The following ZNF470 variants were observed in gnomAD, a reference collection of about 807,000 sequenced individuals.
The protein encoded by ZNF470 is chondrogenesis zinc finger protein 1.
In ZNF470, 13 loss-of-function variants were observed where a neutral mutation model predicts 13.9. That is an observed-to-expected ratio of 0.94 (90% CI 0.61 to 1.49). The LOEUF (loss-of-function observed/expected upper bound fraction) is 1.49. ZNF470 is among the 40% of genes most tolerant of loss of function. ZNF470 has a pLI of 0.00. For missense variants in ZNF470, 929 were observed against 857.3 expected (o/e 1.08, Z -1.04); for synonymous variants, 293 against 282.9 (o/e 1.04, Z -0.36).
chr19:56,579,472 G>A lies in ZNF470; in HGVS notation c.*889G>A. 3.0e-6 allele frequency: 3 copies of A among 985,350 alleles called. No homozygotes were observed. Among genetic ancestry groups the A allele is most frequent in the Non-Finnish European group, 3.6e-6 (3 of 829,926 alleles). The allele number at this position is 985,350 out of a possible 1,614,324, so 61.0% of individuals were successfully genotyped here. On this transcript the variant is annotated 3_prime_UTR_variant, in exon 6 of 6. Transcript: ENST00000330619. ...TTGGTAGAATGTAGGACTAACCAGG[G>A]TAGGTAGTAGTAAACCAAAAGTAAC...
Position 56,582,225 on chromosome 19 carries a change from G to A in ZNF470, c.*3642G>A. 1.0e-6 allele frequency: 1 copy of A among 985,306 alleles called. No individual in the cohort carries two copies. Among genetic ancestry groups the A allele is most frequent in the Non-Finnish European group, 1.2e-6 (1 of 829,914 alleles). 61.0% of individuals were successfully genotyped at this position (985,306 alleles called of 1,614,324 possible). The stretch of plus-strand genomic sequence containing the variant: ...GGATGAATAGAGGTCTAGGGTTCTG[G>A]ATAATGATAATTTAAGGAGGATGGA... On this transcript the variant is annotated 3_prime_UTR_variant, in exon 6 of 6. Coordinates refer to ENST00000330619, the MANE Select transcript of ZNF470 (RefSeq NM_001001668.4).
Position 56,581,529 on chromosome 19 carries a change from T to G in ZNF470, c.*2946T>G. The G allele has an allele frequency of 1.2e-6, 1 of 803,444 alleles. No homozygotes were observed. The allele number at this position is 803,444 out of a possible 1,614,324, so 49.8% of individuals were successfully genotyped here. ...CCATCAGGGTAATAAATAAATTAAT[T>G]ATGGTATATATCCATTCAATAGGAA... is the stretch of plus-strand genomic sequence containing the variant. On this transcript the variant is annotated 3_prime_UTR_variant, in exon 6 of 6. Transcript: ENST00000330619.
Position 56,567,813 on chromosome 19 carries a change from C to G in ZNF470, c.-384C>G. On this transcript the variant is annotated 5_prime_UTR_variant, in exon 1 of 6. Transcript: ENST00000330619. Reference sequence around the variant, plus strand: ...GGAATGAGTGAAGCACTTTAAGTGGCCAAGAGCAGGAAACCCGGCCGGAGG... The same window carrying G: ...GGAATGAGTGAAGCACTTTAAGTGGGCAAGAGCAGGAAACCCGGCCGGAGG... 1 of 986,442 alleles carries G rather than the reference C, an allele frequency of 1.0e-6. No homozygotes were observed. Among genetic ancestry groups the G allele is most frequent in the Non-Finnish European group, 1.2e-6 (1 of 830,800 alleles). The allele number at this position is 986,442 out of a possible 1,614,324, so 61.1% of individuals were successfully genotyped here.
intron 1 of ZNF470, 142 bp downstream of exon 1, chr19:56,568,180 A>T: frequency 9.7e-6 from 9 of 925,484 alleles, no homozygotes; most frequent in Non-Finnish European, 1.2e-5. Flanking sequence ...TTGGAGGGTC[A>T]CCTTGGGTCA....
chr19:56,578,694 G>C lies in ZNF470; in HGVS notation c.*111G>C. On this transcript the variant is annotated 3_prime_UTR_variant, in exon 6 of 6. Transcript: ENST00000330619. ...TCTGGATTTCTGCAGTAGCATAACT[G>C]TTGCCCCTTTTGCTTCTATCAACTA... 16 of 1,315,830 alleles carry C rather than the reference G, an allele frequency of 1.2e-5. No individual in the cohort carries two copies. The highest frequency in any genetic ancestry group is 2.7e-5 in the East Asian group (1 of 37,626). The allele number at this position is 1,315,830 out of a possible 1,614,324, so 81.5% of individuals were successfully genotyped here.
At chr19:56,571,626 T>G (rs2044452555) in intron 3 of ZNF470, among the ~76,000 whole-genome samples, 1 of 151,778 alleles carries the variant, frequency 6.6e-6, no homozygotes, top group South Asian at 2.1e-4. Context: ...TTTTTTTTTT[T>G]GAGATGGAGT....
At position 56,580,206 on chromosome 19, in the gene ZNF470, G is replaced by A. The variant is rs1568497451; in HGVS notation, c.*1623G>A. ...CTAGAGGTAACTGTGAGACACAAAA[G>A]GCATAATGAAAATAGTCATGATAGT... On this transcript the variant is annotated 3_prime_UTR_variant, in exon 6 of 6. Transcript: ENST00000330619. 1.0e-6 allele frequency: 1 copy of A among 971,638 alleles called. No individual in the cohort carries two copies. The highest frequency in any genetic ancestry group is 1.1e-4 in the East Asian group (1 of 8,764). The allele number at this position is 971,638 out of a possible 1,614,324, so 60.2% of individuals were successfully genotyped here.
chr19:56,577,197 T>A lies in ZNF470; in HGVS notation c.768T>A (p.Tyr256Ter). The part of the protein sequence containing the change: ...HQRIHTGEKP[Y>*]ECIECGKAFS... ...GAATTCATACAGGAGAGAAACCCTA[T>A]GAATGTATTGAATGTGGAAAGGCCT... The change falls in exon 6 of 6, where the codon TAT becomes TAA. Residue 256 changes from tyrosine (Y) to a stop codon, truncating the protein, a stop_gained. Coordinates refer to ENST00000330619, the MANE Select transcript of ZNF470 (RefSeq NM_001001668.4). LOFTEE classifies it low-confidence loss of function (END_TRUNC). 1 of 1,612,582 alleles carries A rather than the reference T, an allele frequency of 6.2e-7. No homozygotes were observed. Among genetic ancestry groups the A allele is most frequent in the East Asian group, 2.2e-5 (1 of 44,870 alleles).
rs776493060 is a variant in ZNF470 at position 56,578,232 on chromosome 19, A to G, written c.1803A>G (p.Ala601=). ...RPYECLECGK[A]FRQRASLICH... is the part of the protein sequence containing the mutation. ...ATGAATGTCTTGAATGTGGGAAGGC[A>G]TTCAGGCAGAGGGCATCCTTGATTT... is the stretch of plus-strand genomic sequence containing the variant. The change falls in exon 6 of 6, where the codon GCA becomes GCG. Residue 601 remains alanine (A), a synonymous_variant. Transcript: ENST00000330619. The G allele has an allele frequency of 1.2e-6, 2 of 1,613,968 alleles. No individual in the cohort carries two copies. The highest frequency in any genetic ancestry group is 1.7e-6 in the Non-Finnish European group (2 of 1,179,942).
intron 3 of ZNF470, among the ~76,000 whole-genome samples, chr19:56,573,346 T>C (rs2044468394): frequency 6.6e-6 from 1 of 152,230 alleles, no homozygotes; most frequent in African/African-American, 2.4e-5. Flanking sequence ...TTTCCATTTT[T>C]CAGATGGGAA....
At chr19:56,568,103 C>T in intron 1 of ZNF470, 65 bp downstream of exon 1, 2 of 985,880 alleles carry the variant, frequency 2.0e-6, no homozygotes, top group South Asian at 4.7e-5. Context: ...TGCTGTCTTT[C>T]GGGGTTCAGG....
chr19:56,580,990 A>G lies in ZNF470; in HGVS notation c.*2407A>G. The G allele has an allele frequency of 3.0e-6, 3 of 984,824 alleles. No homozygotes were observed. The highest frequency in any genetic ancestry group is 3.6e-6 in the Non-Finnish European group (3 of 829,406). The allele number at this position is 984,824 out of a possible 1,614,324, so 61.0% of individuals were successfully genotyped here. On this transcript the variant is annotated 3_prime_UTR_variant, in exon 6 of 6. Transcript: ENST00000330619. ...AAGTACATGAAAAACAGAATAATAT[A>G]TATGTACCCTCGGTTTGAAATAGAC...
In ZNF470 at chr19:56,581,013, G is replaced by T; in HGVS notation, c.*2430G>T. On this transcript the variant is annotated 3_prime_UTR_variant, in exon 6 of 6. Coordinates refer to ENST00000330619, the MANE Select transcript of ZNF470 (RefSeq NM_001001668.4). ...ATATATGTACCCTCGGTTTGAAATA[G>T]ACTTTAAGCACTAATGCATAACCCC... The T allele has an allele frequency of 1.0e-6, 1 of 985,224 alleles. No homozygotes were observed. The highest frequency in any genetic ancestry group is 1.2e-6 in the Non-Finnish European group (1 of 829,804). The allele number at this position is 985,224 out of a possible 1,614,324, so 61.0% of individuals were successfully genotyped here. A position where few individuals can be genotyped will look rare whatever the true frequency, so the allele number is the denominator to read the frequency against.
chr19:56,578,977 T>C lies in ZNF470; in HGVS notation c.*394T>C, dbSNP rs1271681591. The C allele has an allele frequency of 4.0e-6, 4 of 993,024 alleles. No homozygotes were observed. The African/African-American group carries it at 7.0e-5, about 17-fold the overall frequency. The allele number at this position is 993,024 out of a possible 1,614,324, so 61.5% of individuals were successfully genotyped here. A position where few individuals can be genotyped will look rare whatever the true frequency, so the allele number is the denominator to read the frequency against. Reference sequence around the variant, plus strand: ...GATTTTAGAGCAGACAGAAGACTACTCTCCTGGTAGAGAGGAAAGATGAAC... The same window carrying C: ...GATTTTAGAGCAGACAGAAGACTACCCTCCTGGTAGAGAGGAAAGATGAAC... On this transcript the variant is annotated 3_prime_UTR_variant, in exon 6 of 6. Coordinates refer to ENST00000330619, the MANE Select transcript of ZNF470 (RefSeq NM_001001668.4).
intron 5 of ZNF470, among the ~76,000 whole-genome samples, chr19:56,575,708 A>G (rs547072466): frequency 6.7e-4 from 102 of 152,208 alleles, no homozygotes; most frequent in African/African-American, 2.2e-3. Context: ...TTTGGGCTCA[A>G]GCAATACTCC....
At chr19:56,573,679 G>A (rs999274657) in intron 3 of ZNF470, among the ~76,000 whole-genome samples, 2 of 152,148 alleles carry the variant, frequency 1.3e-5, no homozygotes, top group Non-Finnish European at 2.9e-5. Context: ...TGTTGGCTCA[G>A]GCCTATAATC....
rs2044495378 is a variant in ZNF470 at position 56,577,222 on chromosome 19, T to A, written c.793T>A (p.Phe265Ile). The change falls in exon 6 of 6, where the codon TTT becomes ATT. Residue 265 changes from phenylalanine to isoleucine, a missense_variant. Transcript: ENST00000330619. ...PYECIECGKAFSQSAHLAQHQ... is the reference protein window; with the variant it reads ...PYECIECGKAISQSAHLAQHQ... ...TGAATGTATTGAATGTGGAAAGGCC[T>A]TTAGCCAGAGTGCCCACCTTGCTCA... 1.2e-6 allele frequency: 2 copies of A among 1,612,250 alleles called. No homozygotes were observed. The highest frequency in any genetic ancestry group is 1.7e-6 in the Non-Finnish European group (2 of 1,179,204).
Position 56,577,633 on chromosome 19 carries a change from T to C in ZNF470, c.1204T>C (p.Cys402Arg), listed in dbSNP as rs762985878. The C allele has an allele frequency of 1.2e-6, 2 of 1,614,048 alleles. No individual in the cohort carries two copies. The highest frequency in any genetic ancestry group is 4.5e-5 in the East Asian group (2 of 44,874). Residue 402 changes from cysteine to arginine, a missense_variant, in exon 6 of 6, where the codon TGT becomes CGT. Coordinates refer to ENST00000330619, the MANE Select transcript of ZNF470 (RefSeq NM_001001668.4). ...TGEKPFDCID[C>R]GKAFTDHIGL... ...AGAGAAACCCTTTGACTGTATTGAT[T>C]GTGGGAAGGCTTTCACTGATCACAT...
In ZNF470 at chr19:56,577,020, G is replaced by A; in HGVS notation, c.591G>A (p.Glu197=). The change falls in exon 6 of 6, where the codon GAG becomes GAA. Residue 197 remains glutamate (E), a synonymous_variant. Coordinates refer to ENST00000330619, the MANE Select transcript of ZNF470 (RefSeq NM_001001668.4). ...TAAAACAGATTTTTCCCATGGAAGAGAGAATATTTAATTTTCATACAGATA... is the reference window on the plus strand; with the variant it reads ...TAAAACAGATTTTTCCCATGGAAGAAAGAATATTTAATTTTCATACAGATA... ...SYIKQIFPME[E]RIFNFHTDKK... 1 of 1,582,948 alleles carries A rather than the reference G, an allele frequency of 6.3e-7. No homozygotes were observed. Among genetic ancestry groups the A allele is most frequent in the Non-Finnish European group, 8.6e-7 (1 of 1,169,296 alleles).
Sources: allele counts gnomAD v4.1 joint callset (sites outside exome capture counted in the v4.1 genomes callset), GRCh38; gene constraint gnomAD v4.1.1; transcripts MANE v1.5; gene names NCBI Gene and HGNC (gene_info 2026-07-23, HGNC 2026-07-21).